The following RAPGEF1 variants were observed in gnomAD, a reference collection of about 807,000 sequenced individuals.
RAPGEF1 encodes the protein Rap guanine nucleotide exchange factor 1.
RAPGEF1 carries 33 observed loss-of-function variants against 143.3 expected under a neutral mutation model. That is an observed-to-expected ratio of 0.23 (90% CI 0.17 to 0.31). The LOEUF is 0.31. RAPGEF1 is among the 10% of genes least tolerant of loss of function. RAPGEF1 has a pLI of 1.00. For missense variants in RAPGEF1, 1,199 were observed against 1,645.4 expected, an observed-to-expected ratio of 0.73 and a Z score of 4.69; for synonymous variants, 629 against 676.5, an observed-to-expected ratio of 0.93 and a Z score of 1.09.
At chr9:131,686,381 G>C (rs562042402) in intron 1 of RAPGEF1, among the ~76,000 whole-genome samples, 42 of 152,296 alleles carry the variant, frequency 2.8e-4, no homozygotes, top group African/African-American at 1.0e-3. Flanking sequence ...TGGCTCTGTG[G>C]GTCTCCGACA....
At chr9:131,711,252 A>G (rs551469276) in intron 1 of RAPGEF1, among the ~76,000 whole-genome samples, 61 of 151,746 alleles carry the variant, frequency 4.0e-4, no homozygotes, top group African/African-American at 1.2e-3. Context: ...GGGTCTCCCT[A>G]TGTTGCTCAG....
intron 1 of RAPGEF1, among the ~76,000 whole-genome samples, chr9:131,661,428 G>T (rs945325219): frequency 6.6e-6 from 1 of 151,932 alleles, no homozygotes; most frequent in Non-Finnish European, 1.5e-5. Context: ...CTCGGGGAGT[G>T]GGGGGTGGTT....
chr9:131,582,492 C>A (rs963049442), intron 25 of RAPGEF1, 113 bp downstream of exon 25: 1 of 734,268 alleles, frequency 1.4e-6, no homozygotes, highest in Non-Finnish European at 2.1e-6. Flanking sequence ...GTACAAATGT[C>A]TCCGTTAGAA....
chr9:131,697,058 CT>C (rs1454125619), intron 1 of RAPGEF1, among the ~76,000 whole-genome samples: 5 of 152,178 alleles, frequency 3.3e-5, no homozygotes, highest in African/African-American at 4.8e-5. Flanking sequence ...AGTAGCGGGG[CT>C]ATTTTCTCTT....
intron 17 of RAPGEF1, among the ~76,000 whole-genome samples, chr9:131,595,449 A>G (rs1955088049): frequency 1.3e-5 from 2 of 152,236 alleles, no homozygotes; most frequent in African/African-American, 4.8e-5. Flanking sequence ...AGAGTCCCTT[A>G]CAGAAATGAA....
chr9:131,737,992 T>A (rs1445975566), intron 1 of RAPGEF1, among the ~76,000 whole-genome samples: 1 of 146,422 alleles, frequency 6.8e-6, no homozygotes. Flanking sequence ...AAATTTTTTT[T>A]AAAGTAGCAA....
chr9:131,577,692 C>T lies in RAPGEF1; in HGVS notation c.*1805G>A, dbSNP rs1406985886. 6.6e-6 allele frequency: 1 copy of T among 152,110 alleles called. No homozygotes were observed. The highest frequency in any genetic ancestry group is 2.4e-5 in the African/African-American group (1 of 41,406). 9.4% of individuals were successfully genotyped at this position (152,110 alleles called of 1,614,324 possible). ...AGGGACTTCAAAAAGAAGGAACAAA[C>T]TAAAAACCCAACCCACACACAATAC... On this transcript the variant is annotated 3_prime_UTR_variant, in exon 27 of 27. Transcript: ENST00000683357.
In RAPGEF1 at chr9:131,682,302, C is replaced by T. The variant is rs563631040; in HGVS notation, c.62-31353G>A. Among the ~76,000 whole-genome samples the T allele has an allele frequency of 5.9e-5, 9 of 152,352 alleles. No individual in the cohort carries two copies. The South Asian group carries it at 1.9e-3, about 32-fold the overall frequency. ...ACTCTAAGTTTGATATAGAAGGGAA[C>T]CCGATTTCGGGAAACGCCATGAGGG... On this transcript the variant is annotated intron_variant, in intron 1 of 26. Coordinates refer to ENST00000683357, the MANE Select transcript of RAPGEF1 (RefSeq NM_001377935.1).
chr9:131,668,071 T>A (rs1360171890), intron 1 of RAPGEF1, among the ~76,000 whole-genome samples: 2 of 152,162 alleles, frequency 1.3e-5, no homozygotes. Context: ...AACTTAAGCA[T>A]CTCCTAGGAT....
At position 131,578,851 on chromosome 9, in the gene RAPGEF1, C is replaced by A. The variant is rs1031882211; in HGVS notation, c.*646G>T. The A allele has an allele frequency of 1.3e-5, 2 of 152,678 alleles. No individual in the cohort carries two copies. The highest frequency in any genetic ancestry group is 4.8e-5 in the African/African-American group (2 of 41,446). The allele number at this position is 152,678 out of a possible 1,614,324, so 9.5% of individuals were successfully genotyped here. ...AGGCGGGCAAGGGAGGCCCTGATGG[C>A]GCCAGTACCGCGGGGCAGAGCACCA... On this transcript the variant is annotated 3_prime_UTR_variant, in exon 27 of 27. Transcript: ENST00000683357.
chr9:131,722,090 T>C (rs1265113947), intron 1 of RAPGEF1, among the ~76,000 whole-genome samples: 1 of 152,152 alleles, frequency 6.6e-6, no homozygotes, highest in Non-Finnish European at 1.5e-5. Flanking sequence ...ATGTCTTATA[T>C]GTGTTGGTGT....
intron 1 of RAPGEF1, among the ~76,000 whole-genome samples, chr9:131,727,161 A>G (rs1321109715): frequency 6.6e-6 from 1 of 152,096 alleles, no homozygotes; most frequent in African/African-American, 2.4e-5. Context: ...AATCCTTACC[A>G]AATTCTGGGA....
In RAPGEF1 at chr9:131,577,662, A is replaced by T. The variant is rs1470559095; in HGVS notation, c.*1835T>A. 6.6e-6 allele frequency: 1 copy of T among 152,390 alleles called. No individual in the cohort carries two copies. The allele number at this position is 152,390 out of a possible 1,614,324, so 9.4% of individuals were successfully genotyped here. A position where few individuals can be genotyped will look rare whatever the true frequency, so the allele number is the denominator to read the frequency against. On this transcript the variant is annotated 3_prime_UTR_variant, in exon 27 of 27. Coordinates refer to ENST00000683357, the MANE Select transcript of RAPGEF1 (RefSeq NM_001377935.1). ...AAGGGGAGAGAGAGTCAAGGATTGA[A>T]ATGAAGGGACTTCAAAAAGAAGGAA...
chr9:131,592,240 T>C, intron 17 of RAPGEF1, 57 bp from the exon 18 acceptor site: 1 of 1,407,562 alleles, frequency 7.1e-7, no homozygotes, highest in East Asian at 2.3e-5. Context: ...TGGGGGGTGG[T>C]AGCCAGGGTG....
intron 1 of RAPGEF1, among the ~76,000 whole-genome samples, chr9:131,713,533 G>A (rs1254735927): frequency 6.6e-6 from 1 of 152,160 alleles, no homozygotes; most frequent in African/African-American, 2.4e-5. Context: ...TTGAATCTAT[G>A]GGGGCACTTC....
chr9:131,666,678 C>T (rs952139951), intron 1 of RAPGEF1, among the ~76,000 whole-genome samples: 2 of 152,128 alleles, frequency 1.3e-5, no homozygotes, highest in African/African-American at 2.4e-5. Context: ...AGTCCCTGTG[C>T]CCAGTCTTAA....
intron 15 of RAPGEF1, among the ~76,000 whole-genome samples, chr9:131,600,757 G>A (rs1956131840): frequency 2.0e-5 from 3 of 152,166 alleles, no homozygotes; most frequent in Non-Finnish European, 2.9e-5. Flanking sequence ...TGAAGTTGCA[G>A]GTGGGAGTGC....
At chr9:131,707,564 C>T (rs1207998831) in intron 1 of RAPGEF1, among the ~76,000 whole-genome samples, 1 of 152,168 alleles carries the variant, frequency 6.6e-6, no homozygotes, top group Admixed American at 6.5e-5. Context: ...CCTCAGCCTC[C>T]CGAGTAGCTG....
chr9:131,587,898 C>T, intron 21 of RAPGEF1, 44 bp downstream of exon 21: 1 of 1,598,462 alleles, frequency 6.3e-7, no homozygotes, highest in Non-Finnish European at 8.5e-7. Context: ...TTCTCTCATT[C>T]AGGGACAAAC....
Sources: gnomAD v4.1 joint callset for allele counts (sites outside exome capture counted in the v4.1 genomes callset) on GRCh38, gnomAD v4.1.1 for gene constraint, MANE v1.5 for transcripts, NCBI Gene and HGNC (gene_info 2026-07-23, HGNC 2026-07-21) for gene names.